PPFIBP2: variants seen among roughly 807,000 people sequenced by gnomAD.
PPFIBP2 encodes PPFIB scaffold protein 2.
PPFIBP2 carries 118 observed loss-of-function variants against 118.3 expected under a neutral mutation model. That is an observed-to-expected ratio of 1.00 (90% CI 0.86 to 1.16). The LOEUF (loss-of-function observed/expected upper bound fraction) is 1.16. Among genes scored for constraint, PPFIBP2 ranks in the 50% most tolerant of loss-of-function variants. The pLI, the probability that PPFIBP2 is intolerant of heterozygous loss-of-function variation, is 0.00. For synonymous variants in PPFIBP2, 414 were observed against 397.4 expected (o/e 1.04, Z -0.50); for missense variants, 1,195 against 1,073.1 (o/e 1.11, Z -1.59).
intron 3 of PPFIBP2, among the ~76,000 whole-genome samples, chr11:7,574,311 T>C (rs1157591259): frequency 6.6e-6 from 1 of 152,184 alleles, no homozygotes; most frequent in Non-Finnish European, 1.5e-5. Flanking sequence ...TGAGGACTTC[T>C]GTCTTCAGAG....
chr11:7,615,413 C>T (rs1357922157), intron 6 of PPFIBP2, among the ~76,000 whole-genome samples: 3 of 151,162 alleles, frequency 2.0e-5, no homozygotes, highest in Non-Finnish European at 4.4e-5. Flanking sequence ...AAAACAATGA[C>T]AACACATGGC....
At chr11:7,655,128 G>A (rs970846741), downstream of PPFIBP2, among the ~76,000 whole-genome samples, 4 of 152,174 alleles carry the variant, frequency 2.6e-5, no homozygotes, top group South Asian at 2.1e-4. Flanking sequence ...CATTGAACAC[G>A]TGCAGAAGGG....
At chr11:7,626,376 T>A (rs1177130387) in intron 8 of PPFIBP2, among the ~76,000 whole-genome samples, 2 of 152,236 alleles carry the variant, frequency 1.3e-5, no homozygotes, top group African/African-American at 4.8e-5. Flanking sequence ...ATCTTACTTC[T>A]CAGAAAGACC....
chr11:7,595,835 C>G (rs758706648), intron 4 of PPFIBP2, among the ~76,000 whole-genome samples: 11 of 151,744 alleles, frequency 7.2e-5, no homozygotes, highest in Non-Finnish European at 1.3e-4. Context: ...AAAAACAAAA[C>G]CAGAATCTCT....
At chr11:7,624,136 A>T (rs1035304022) in intron 7 of PPFIBP2, among the ~76,000 whole-genome samples, 2 of 152,142 alleles carry the variant, frequency 1.3e-5, no homozygotes, top group African/African-American at 4.8e-5. Flanking sequence ...CGGTGGGCTG[A>T]GGGAGCCCAA....
chr11:7,565,520 TCTTA>T, intron 2 of PPFIBP2, 29 bp from the exon 3 acceptor site: 2 of 1,610,794 alleles, frequency 1.2e-6, no homozygotes, highest in Non-Finnish European at 1.7e-6. Flanking sequence ...TGTCCACCCT[TCTTA>T]CTGAGTTTTC....
intron 6 of PPFIBP2, among the ~76,000 whole-genome samples, chr11:7,614,486 C>T (rs1041945036): frequency 1.3e-5 from 2 of 152,166 alleles, no homozygotes; most frequent in Non-Finnish European, 2.9e-5. Flanking sequence ...GTTCTACCAT[C>T]CAACAATAGC....
chr11:7,626,016 T>C (rs1849957466), intron 8 of PPFIBP2, 125 bp downstream of exon 8: 1 of 777,746 alleles, frequency 1.3e-6, no homozygotes, highest in Non-Finnish European at 2.1e-6. Flanking sequence ...CTAATGGACA[T>C]GCATGTATGT....
chr11:7,625,930 T>C, intron 8 of PPFIBP2, 39 bp downstream of exon 8: 1 of 1,530,066 alleles, frequency 6.5e-7, no homozygotes, highest in East Asian at 2.3e-5. Flanking sequence ...GTTGTCTGGG[T>C]CCCTGGGTCT....
At chr11:7,533,753 G>T (rs911327984) in intron 1 of PPFIBP2, among the ~76,000 whole-genome samples, 2 of 152,248 alleles carry the variant, frequency 1.3e-5, no homozygotes, top group African/African-American at 2.4e-5. Context: ...CAGAAAATGG[G>T]GTATTTCTGT....
chr11:7,604,654 G>A (rs986612317), intron 5 of PPFIBP2, among the ~76,000 whole-genome samples: 8 of 152,174 alleles, frequency 5.3e-5, no homozygotes, highest in African/African-American at 1.9e-4. Flanking sequence ...GACGGTGTTA[G>A]CTTTGAGGGC....
At chr11:7,527,577 T>G (rs1174472799) in intron 1 of PPFIBP2, among the ~76,000 whole-genome samples, 1 of 152,116 alleles carries the variant, frequency 6.6e-6, no homozygotes, top group African/African-American at 2.4e-5. Context: ...GAATGGAACT[T>G]AAGAAATGTA....
Position 7,623,727 on chromosome 11 carries a change from C to T in PPFIBP2, c.712-2050C>T, listed in dbSNP as rs535912685. On this transcript the variant is annotated intron_variant, in intron 7 of 23. Transcript: ENST00000299492. ...CAGGTATCCAGATTTCTAACAGAGA[C>T]GAGTGCCCATCCTGTCCACAAAGAA... Among the ~76,000 whole-genome samples the T allele has an allele frequency of 9.7e-4, 148 of 152,278 alleles. 2 individuals are homozygous for T. The highest frequency in any genetic ancestry group is 3.3e-3 in the African/African-American group (138 of 41,544).
intron 1 of PPFIBP2, among the ~76,000 whole-genome samples, chr11:7,541,159 C>T (rs1470827071): frequency 6.6e-6 from 1 of 152,160 alleles, no homozygotes; most frequent in African/African-American, 2.4e-5. Context: ...CAGAATCACC[C>T]GAATGGCTAG....
chr11:7,601,096 T>G (rs1861344403), intron 5 of PPFIBP2, among the ~76,000 whole-genome samples: 2 of 152,178 alleles, frequency 1.3e-5, no homozygotes, highest in Non-Finnish European at 2.9e-5. Flanking sequence ...GCTGTCTCTC[T>G]CCATGCTGCT....
chr11:7,653,852 G>A (rs1854429044), downstream of PPFIBP2: 2 of 1,135,668 alleles, frequency 1.8e-6, no homozygotes, highest in South Asian at 1.6e-5. Flanking sequence ...AAGAGCCGGT[G>A]GCACTGAGCC....
chr11:7,642,447 CT>C, intron 17 of PPFIBP2, 21 bp downstream of exon 17: 1 of 1,602,304 alleles, frequency 6.2e-7, no homozygotes, highest in Non-Finnish European at 8.5e-7. Flanking sequence ...ACCCACTTTC[CT>C]TTGATCTCCC....
At chr11:7,592,805 G>C (rs989595927) in intron 3 of PPFIBP2, among the ~76,000 whole-genome samples, 1 of 152,170 alleles carries the variant, frequency 6.6e-6, no homozygotes. Context: ...CATGCCTCTG[G>C]AGGCTGTGCC....
At chr11:7,657,192 G>A (rs149767743), downstream of PPFIBP2, 1,336 of 215,236 alleles carry the variant, frequency 6.2e-3, 19 homozygotes, top group Non-Finnish European at 0.01. Flanking sequence ...AAAAAGTTCC[G>A]AAAAACTGTT....
Sources: gnomAD v4.1 joint callset for allele counts (sites outside exome capture counted in the v4.1 genomes callset) on GRCh38, gnomAD v4.1.1 for gene constraint, MANE v1.5 for transcripts, NCBI Gene and HGNC (gene_info 2026-07-23, HGNC 2026-07-21) for gene names.